ABCD3: variants seen among roughly 807,000 people sequenced by gnomAD.
ABCD3 encodes ATP binding cassette subfamily D member 3, also known as ATP-binding cassette sub-family D member 3.
ABCD3 carries 41 observed loss-of-function variants against 105.5 expected under a neutral mutation model. The observed-to-expected ratio is 0.39, with a 90% confidence interval of 0.30 to 0.50. ABCD3 has a LOEUF of 0.50. Among genes scored for constraint, ABCD3 ranks in the 20% least tolerant of loss-of-function variants. The pLI is 0.84. For synonymous variants in ABCD3, 258 were observed against 269.0 expected, an observed-to-expected ratio of 0.96 and a Z score of 0.40; for missense variants, 622 against 806.3, an observed-to-expected ratio of 0.77 and a Z score of 2.77.
At chr1:94,444,650 T>C (rs1211838769) in intron 1 of ABCD3, among the ~76,000 whole-genome samples, 1 of 152,226 alleles carries the variant, frequency 6.6e-6, no homozygotes, top group East Asian at 1.9e-4. Context: ...TCAAAATATT[T>C]TCTGATTTCT....
At position 94,433,095 on chromosome 1, in the gene ABCD3, A is replaced by G. The variant is rs555818505; in HGVS notation, c.110+14507A>G. ...CTGGTCTCGAATTCCTGACCTCGTGATCCACCCACCTCGGCCTCCCAAAGT... is the reference window on the plus strand; with the variant it reads ...CTGGTCTCGAATTCCTGACCTCGTGGTCCACCCACCTCGGCCTCCCAAAGT... On this transcript the variant is annotated intron_variant, in intron 1 of 22. Transcript: ENST00000370214. Among the ~76,000 whole-genome samples the G allele has an allele frequency of 5.9e-5, 9 of 151,526 alleles. No homozygotes were observed. In the East Asian group the frequency reaches 1.8e-3, roughly 30 times the overall value.
At chr1:94,491,757 C>G (rs951367867) in intron 16 of ABCD3, among the ~76,000 whole-genome samples, 20 of 152,038 alleles carry the variant, frequency 1.3e-4, no homozygotes, top group African/African-American at 4.8e-4. Flanking sequence ...ATTCAATATA[C>G]TCTGCTAATG....
intron 8 of ABCD3, chr1:94,478,630 C>A: frequency 2.8e-6 from 3 of 1,064,366 alleles, no homozygotes; most frequent in South Asian, 3.4e-5. Flanking sequence ...ATGGGAGGAT[C>A]GCTTGAATCC....
intron 1 of ABCD3, chr1:94,455,796 G>C: frequency 3.9e-6 from 5 of 1,273,152 alleles, no homozygotes; most frequent in Non-Finnish European, 5.1e-6. Flanking sequence ...CTGATCATGT[G>C]ACTCATTGGT....
At chr1:94,493,785 T>G (rs1429616350) in intron 16 of ABCD3, among the ~76,000 whole-genome samples, 1 of 152,182 alleles carries the variant, frequency 6.6e-6, no homozygotes, top group African/African-American at 2.4e-5. Context: ...TGAGTTCATG[T>G]CCTTTGTAGG....
At chr1:94,407,225 A>G in the ABCD3 span, among the ~76,000 whole-genome samples, 2 of 152,048 alleles carry the variant, frequency 1.3e-5, no homozygotes, top group Non-Finnish European at 2.9e-5. Flanking sequence ...ATCTCAGCTC[A>G]CCGCAACCTC....
At chr1:94,452,821 C>G (rs774917093) in intron 1 of ABCD3, among the ~76,000 whole-genome samples, 1 of 152,018 alleles carries the variant, frequency 6.6e-6, no homozygotes, top group African/African-American at 2.4e-5. Context: ...ACCGCAACTT[C>G]CGCCTCCCAG....
chr1:94,471,277 G>T (rs942328316), intron 4 of ABCD3, among the ~76,000 whole-genome samples: 1 of 151,970 alleles, frequency 6.6e-6, no homozygotes, highest in Admixed American at 6.6e-5. Context: ...AGAATAAGGG[G>T]CTGGGTGTGG....
At chr1:94,504,203 G>A (rs1166350840) in intron 20 of ABCD3, among the ~76,000 whole-genome samples, 1 of 151,302 alleles carries the variant, frequency 6.6e-6, no homozygotes, top group East Asian at 1.9e-4. Context: ...GAGCTGCTGC[G>A]CCCGGCCAGG....
intron 1 of ABCD3, among the ~76,000 whole-genome samples, chr1:94,424,786 A>C (rs1337572685): frequency 6.6e-6 from 1 of 152,178 alleles, no homozygotes; most frequent in Non-Finnish European, 1.5e-5. Context: ...TATCACTATA[A>C]AATATGCTAT....
chr1:94,407,127 T>A, the ABCD3 span, among the ~76,000 whole-genome samples: 1 of 152,142 alleles, frequency 6.6e-6, no homozygotes, highest in Admixed American at 6.6e-5. Flanking sequence ...ACTGACATAC[T>A]GATGATATTG....
chr1:94,464,793 C>T lies in ABCD3; in HGVS notation c.166C>T (p.Arg56Ter). 6.2e-7 allele frequency: 1 copy of T among 1,612,970 alleles called. No homozygotes were observed. The highest frequency in any genetic ancestry group is 8.5e-7 in the Non-Finnish European group (1 of 1,179,672). Residue 56 changes from arginine (R) to a stop codon, truncating the protein, a stop_gained, in exon 3 of 23, where the codon CGA becomes TGA. Coordinates refer to ENST00000370214, the MANE Select transcript of ABCD3 (RefSeq NM_002858.4). LOFTEE classifies it high-confidence loss of function. ...QNNEKEGKKE[R>*]AVVDKVFFSR... The stretch of plus-strand genomic sequence containing the variant: ...AATGCAGAAAGAGGGGAAAAAGGAG[C>T]GAGCTGTGGTGGACAAGGTGTTTTT...
intron 16 of ABCD3, among the ~76,000 whole-genome samples, chr1:94,495,421 C>T (rs1365325865): frequency 6.6e-6 from 1 of 151,980 alleles, no homozygotes; most frequent in African/African-American, 2.4e-5. Flanking sequence ...CTTAATTTAA[C>T]CCCACAAAAA....
rs1293127233 is a variant in ABCD3 at position 94,475,705 on chromosome 1, A to G, written c.595A>G (p.Ser199Gly). The change falls in exon 7 of 23, where the codon AGT becomes GGT. Residue 199 changes from serine to glycine, a missense_variant. Transcript: ENST00000370214. ...ACAAGATGTAGAAAAATTTTGTAAC[A>G]GTGTAGTCGATCTGTATTCAAATCT... The part of the protein sequence containing the change: ...LTQDVEKFCN[S>G]VVDLYSNLSK... 1.3e-5 allele frequency: 21 copies of G among 1,606,376 alleles called. 1 individual carries two copies.
intron 1 of ABCD3, among the ~76,000 whole-genome samples, chr1:94,435,768 CT>C (rs1659879811): frequency 1.3e-5 from 2 of 152,190 alleles, no homozygotes. Flanking sequence ...TGGATATTTG[CT>C]TCTTCATTTA....
chr1:94,438,629 T>C (rs925287917), intron 1 of ABCD3, among the ~76,000 whole-genome samples: 1 of 152,224 alleles, frequency 6.6e-6, no homozygotes, highest in Non-Finnish European at 1.5e-5. Context: ...TGCTGTCTTA[T>C]TTTAATACAT....
rs761202157 is a variant in ABCD3, at chr1:94,475,700, G to C, written c.590G>C (p.Cys197Ser). 7.5e-6 allele frequency: 12 copies of C among 1,608,014 alleles called. No homozygotes were observed. In the African/African-American group the frequency reaches 1.3e-4, roughly 18 times the overall value. ...QLLTQDVEKFCNSVVDLYSNL... is the reference protein window; with the variant it reads ...QLLTQDVEKFSNSVVDLYSNL... ...CTTACACAAGATGTAGAAAAATTTT[G>C]TAACAGTGTAGTCGATCTGTATTCA... Residue 197 changes from cysteine (C) to serine (S), a missense_variant, in exon 7 of 23, where the codon TGT (cysteine) becomes TCT (serine). Cys to Ser is a moderately radical substitution (Grantham distance 112). Coordinates refer to ENST00000370214, the MANE Select transcript of ABCD3 (RefSeq NM_002858.4).
At chr1:94,423,483 C>T (rs1017460209) in intron 1 of ABCD3, among the ~76,000 whole-genome samples, 3 of 152,176 alleles carry the variant, frequency 2.0e-5, no homozygotes, top group African/African-American at 7.2e-5. Context: ...TACTTCGCTT[C>T]CTTTGGAGCA....
intron 21 of ABCD3, among the ~76,000 whole-genome samples, chr1:94,511,968 G>A (rs868676060): frequency 6.6e-5 from 10 of 152,044 alleles, no homozygotes; most frequent in South Asian, 2.1e-4. Context: ...TAATTTGATC[G>A]TCTGAAGCCT....
Sources: allele counts gnomAD v4.1 joint callset (sites outside exome capture counted in the v4.1 genomes callset), GRCh38; gene constraint gnomAD v4.1.1; transcripts MANE v1.5; gene names NCBI Gene and HGNC (gene_info 2026-07-23, HGNC 2026-07-21).